ARHGEF37: variants seen among roughly 807,000 people sequenced by gnomAD.
ARHGEF37 encodes Rho guanine nucleotide exchange factor 37.
In ARHGEF37, 55 loss-of-function variants were observed where a neutral mutation model predicts 71.1. The observed-to-expected ratio is 0.77, with a 90% CI of 0.62 to 0.97. The LOEUF is 0.97. Among genes scored for constraint, ARHGEF37 ranks in the 50% least tolerant of loss-of-function variants. The pLI is 0.00. For synonymous variants in ARHGEF37, 327 were observed against 350.6 expected (o/e 0.93, Z 0.75); for missense variants, 765 against 836.8 (o/e 0.91, Z 1.06).
chr5:149,586,687 C>T (rs1365719274), intron 1 of ARHGEF37, among the ~76,000 whole-genome samples: 2 of 152,240 alleles, frequency 1.3e-5, no homozygotes, highest in African/African-American at 2.4e-5. Context: ...TTGGAAAGCA[C>T]AAATTAGTAG....
intron 1 of ARHGEF37, among the ~76,000 whole-genome samples, chr5:149,582,133 GT>G (rs1384682969): frequency 1.3e-5 from 2 of 152,248 alleles, no homozygotes; most frequent in Non-Finnish European, 2.9e-5. Context: ...GGGACTAGAA[GT>G]CAGAACGTCC....
At position 149,634,449 on chromosome 5, in the gene ARHGEF37, A is replaced by G. The variant is rs1174372191; in HGVS notation, c.*2258A>G. On this transcript the variant is annotated 3_prime_UTR_variant, in exon 13 of 13. Transcript: ENST00000333677. ...ACAAAATTGGATGTCTTGTAGGCATAAGGGAGGAAAATAAAATATACTTGG... is the reference window on the plus strand; with the variant it reads ...ACAAAATTGGATGTCTTGTAGGCATGAGGGAGGAAAATAAAATATACTTGG... 6.6e-6 allele frequency: 1 copy of G among 152,654 alleles called. No homozygotes were observed. Among genetic ancestry groups the G allele is most frequent in the Non-Finnish European group, 1.5e-5 (1 of 68,048 alleles). 9.5% of individuals were successfully genotyped at this position (152,654 alleles called of 1,614,324 possible). A position where few individuals can be genotyped will look rare whatever the true frequency, so the allele number is the denominator to read the frequency against.
chr5:149,630,432 C>A (rs1208969499), intron 12 of ARHGEF37, among the ~76,000 whole-genome samples: 1 of 152,124 alleles, frequency 6.6e-6, no homozygotes, highest in Non-Finnish European at 1.5e-5. Context: ...TGGACAGAAT[C>A]GGATGCCTCG....
At chr5:149,631,881 C>A in intron 12 of ARHGEF37, 101 bp from the exon 13 acceptor site, 1 of 1,229,614 alleles carries the variant, frequency 8.1e-7, no homozygotes, top group Non-Finnish European at 1.1e-6. Context: ...GCAATGGGGA[C>A]GAGAGCCAGG....
chr5:149,609,532 G>C lies in ARHGEF37; in HGVS notation c.311-16G>C. The C allele has an allele frequency of 6.2e-7, 1 of 1,613,372 alleles. No individual in the cohort carries two copies. The highest frequency in any genetic ancestry group is 1.1e-5 in the South Asian group (1 of 91,026). ...GACATGCCCTTGACGACCCCTTGTT[G>C]CGTCTTCACTCTCAGGTAACATATT... On this transcript the variant is annotated splice_polypyrimidine_tract_variant and intron_variant, in intron 3 of 12. Coordinates refer to ENST00000333677, the MANE Select transcript of ARHGEF37 (RefSeq NM_001001669.3).
chr5:149,630,211 G>A (rs762097507), intron 12 of ARHGEF37, among the ~76,000 whole-genome samples: 34 of 152,212 alleles, frequency 2.2e-4, no homozygotes, highest in Admixed American at 6.5e-5. Flanking sequence ...AAAGTAAAGT[G>A]TTTGGAAGCC....
At chr5:149,602,051 TTTTC>T (rs1349023895) in intron 3 of ARHGEF37, among the ~76,000 whole-genome samples, 3 of 135,738 alleles carry the variant, frequency 2.2e-5, no homozygotes, top group African/African-American at 5.3e-5. Flanking sequence ...TATGTTTTTC[TTTTC>T]TTTCTTTTTT....
At chr5:149,602,080 G>A (rs1376141368) in intron 3 of ARHGEF37, among the ~76,000 whole-genome samples, 6 of 148,892 alleles carry the variant, frequency 4.0e-5, no homozygotes, top group South Asian at 2.1e-4. Flanking sequence ...TTTTTGAGAC[G>A]GAGTCTCACT....
At chr5:149,598,197 A>G (rs1388026213) in intron 2 of ARHGEF37, among the ~76,000 whole-genome samples, 20 of 152,132 alleles carry the variant, frequency 1.3e-4, no homozygotes, top group Admixed American at 9.8e-4. Context: ...CGGAATAATC[A>G]CTGGGAGACC....
In ARHGEF37 at chr5:149,618,229, A is replaced by T. The variant is rs764028089; in HGVS notation, c.712A>T (p.Ile238Phe). Residue 238 changes from isoleucine (I) to phenylalanine (F), a missense_variant, in exon 6 of 13, where the codon ATC (isoleucine) becomes TTC (phenylalanine). Ile to Phe is a conservative substitution (Grantham distance 21, BLOSUM62 0). Transcript: ENST00000333677. ...QLTLRERLAR[I>F]NTHTLSKKTT... Reference sequence around the variant, plus strand: ...GACCCTCCGGGAGCGGCTGGCCCGCATCAACACACACACCCTCTCCAAGAA... The same window carrying T: ...GACCCTCCGGGAGCGGCTGGCCCGCTTCAACACACACACCCTCTCCAAGAA... The T allele has an allele frequency of 3.7e-5, 60 of 1,614,092 alleles. No individual in the cohort carries two copies. In the South Asian group the frequency reaches 6.6e-4, roughly 18 times the overall value.
chr5:149,619,887 T>A (rs1356432384), intron 7 of ARHGEF37, among the ~76,000 whole-genome samples: 4 of 152,050 alleles, frequency 2.6e-5, no homozygotes, highest in Non-Finnish European at 5.9e-5. Context: ...CTGGTCAACA[T>A]GGTGAAACCT....
At chr5:149,565,915 T>C (rs1280620409) in intron 1 of ARHGEF37, among the ~76,000 whole-genome samples, 1 of 145,900 alleles carries the variant, frequency 6.9e-6, no homozygotes, top group East Asian at 2.1e-4. Context: ...AATGGTGCGA[T>C]CTCTGCTCAC....
At chr5:149,622,168 G>C in intron 9 of ARHGEF37, 106 bp downstream of exon 9, 2 of 1,157,402 alleles carry the variant, frequency 1.7e-6, no homozygotes, top group South Asian at 3.2e-5. Context: ...GGATGGGCCT[G>C]AAAACAGGTC....
upstream of ARHGEF37, among the ~76,000 whole-genome samples, chr5:149,578,114 A>G (rs958896652): frequency 6.6e-6 from 1 of 152,222 alleles, no homozygotes; most frequent in Non-Finnish European, 1.5e-5. Context: ...CTGGCCTCCC[A>G]CAGCGCCTGT....
rs890816262 is a variant in ARHGEF37 at position 149,632,937 on chromosome 5, G to C, written c.*746G>C. ...TGGCAGCAGGTGAACAGCTACTGCT[G>C]TGTTCTCAGGACTAGGGAACAAAGG... is the stretch of plus-strand genomic sequence containing the variant. On this transcript the variant is annotated 3_prime_UTR_variant, in exon 13 of 13. Coordinates refer to ENST00000333677, the MANE Select transcript of ARHGEF37 (RefSeq NM_001001669.3). 6.5e-6 allele frequency: 1 copy of C among 152,922 alleles called. No homozygotes were observed. The highest frequency in any genetic ancestry group is 1.5e-5 in the Non-Finnish European group (1 of 68,190). 9.5% of individuals were successfully genotyped at this position (152,922 alleles called of 1,614,324 possible).
At chr5:149,607,533 G>A (rs1763947589) in intron 3 of ARHGEF37, among the ~76,000 whole-genome samples, 1 of 152,198 alleles carries the variant, frequency 6.6e-6, no homozygotes, top group Admixed American at 6.5e-5. Flanking sequence ...GCATCCATGT[G>A]AAGAGACCAC....
intron 1 of ARHGEF37, among the ~76,000 whole-genome samples, chr5:149,587,759 G>A (rs955033921): frequency 2.0e-5 from 3 of 152,052 alleles, no homozygotes; most frequent in African/African-American, 7.2e-5. Flanking sequence ...GCTCTTTTGG[G>A]GGTTTTAGAG....
rs762414070 is a variant in ARHGEF37, at chr5:149,597,769, C to T, written c.-1C>T. On this transcript the variant is annotated 5_prime_UTR_variant, in exon 2 of 13. Coordinates refer to ENST00000333677, the MANE Select transcript of ARHGEF37 (RefSeq NM_001001669.3). ...TTTTGCTTTTCCCAGAACCTGCTGACATGGCCAAGCATGGAGCCGACGAGC... is the reference window on the plus strand; with the variant it reads ...TTTTGCTTTTCCCAGAACCTGCTGATATGGCCAAGCATGGAGCCGACGAGC... 3.9e-6 allele frequency: 6 copies of T among 1,540,586 alleles called. No homozygotes were observed. In the Admixed American group the frequency reaches 6.7e-5, roughly 17 times the overall value.
At position 149,597,749 on chromosome 5, in the gene ARHGEF37, C is replaced by G; in HGVS notation, c.-11-10C>G. 1 of 1,518,376 alleles carries G rather than the reference C, an allele frequency of 6.6e-7. No individual in the cohort carries two copies. Among genetic ancestry groups the G allele is most frequent in the Non-Finnish European group, 8.8e-7 (1 of 1,136,698 alleles). The allele number at this position is 1,518,376 out of a possible 1,614,324, so 94.1% of individuals were successfully genotyped here. On this transcript the variant is annotated splice_polypyrimidine_tract_variant and intron_variant, in intron 1 of 12. Coordinates refer to ENST00000333677, the MANE Select transcript of ARHGEF37 (RefSeq NM_001001669.3). ...CTGGAAGTGAGTGGGGATGCTTTTG[C>G]TTTTCCCAGAACCTGCTGACATGGC...
Sources: gnomAD v4.1 joint callset for allele counts (sites outside exome capture counted in the v4.1 genomes callset) on GRCh38, gnomAD v4.1.1 for gene constraint, MANE v1.5 for transcripts, NCBI Gene and HGNC (gene_info 2026-07-23, HGNC 2026-07-21) for gene names.